The following MCU variants were observed in gnomAD, a reference collection of about 807,000 sequenced individuals.
The protein encoded by MCU is mitochondrial calcium uniporter.
A neutral mutation model predicts 45.2 loss-of-function variants in MCU; 12 were observed. That is an observed-to-expected ratio of 0.27 (90% CI 0.17 to 0.43). The LOEUF is 0.43. MCU is among the 20% of genes least tolerant of loss of function. The pLI, the probability that MCU is intolerant of heterozygous loss-of-function variation, is 1.00. For missense variants in MCU, 324 were observed against 436.7 expected, an observed-to-expected ratio of 0.74 and a Z score of 2.30; for synonymous variants, 160 against 165.1, an observed-to-expected ratio of 0.97 and a Z score of 0.24.
intron 2 of MCU, among the ~76,000 whole-genome samples, chr10:72,856,891 C>T (rs570690587): frequency 7.2e-6 from 1 of 139,052 alleles, no homozygotes; most frequent in African/African-American, 2.7e-5. Context: ...CTGCAGTGAG[C>T]TGTGATCATG....
chr10:72,873,588 C>A (rs1361557093), intron 6 of MCU, among the ~76,000 whole-genome samples: 1 of 152,030 alleles, frequency 6.6e-6, no homozygotes, highest in African/African-American at 2.4e-5. Context: ...TTTCCTTTGC[C>A]GTACAAGAGC....
chr10:72,847,004 C>T (rs1845132951), intron 2 of MCU, among the ~76,000 whole-genome samples: 1 of 152,204 alleles, frequency 6.6e-6, no homozygotes, highest in Non-Finnish European at 1.5e-5. Flanking sequence ...CGAAGTCTCA[C>T]CCTGTCGCCC....
intron 4 of MCU, 99 bp from the exon 5 acceptor site, chr10:72,868,604 T>G (rs960341799): frequency 1.2e-4 from 129 of 1,037,812 alleles, no homozygotes; most frequent in Non-Finnish European, 1.7e-4. Flanking sequence ...ACACTGAAGG[T>G]GAGATACCTA....
At chr10:72,700,199 AC>A (rs1429883139) in intron 1 of MCU, among the ~76,000 whole-genome samples, 1 of 151,718 alleles carries the variant, frequency 6.6e-6, no homozygotes, top group Non-Finnish European at 1.5e-5. Context: ...AGCGGGGATT[AC>A]AGGCACCTGC....
chr10:72,744,642 T>G (rs1770182555), intron 1 of MCU, among the ~76,000 whole-genome samples: 1 of 151,812 alleles, frequency 6.6e-6, no homozygotes, highest in African/African-American at 2.4e-5. Context: ...AATTCAGGAG[T>G]TTAGGGAGGA....
intron 4 of MCU, among the ~76,000 whole-genome samples, chr10:72,866,108 CT>C (rs372179609): frequency 6.6e-6 from 1 of 150,948 alleles, no homozygotes; most frequent in Non-Finnish European, 1.5e-5. Context: ...TAAAGAAAAT[CT>C]TTTTTTCTTC....
chr10:72,809,884 A>G (rs567657675), intron 1 of MCU, among the ~76,000 whole-genome samples: 1 of 152,154 alleles, frequency 6.6e-6, no homozygotes, highest in Non-Finnish European at 1.5e-5. Context: ...AATTCAAAGA[A>G]AAGAATTTCA....
At position 72,884,368 on chromosome 10, in the gene MCU, G is replaced by T; in HGVS notation, c.964G>T (p.Asp322Tyr). ...FDLEKYNQLK[D>Y]AIAQAEMDLK... ...CCTAGAGAAATACAATCAACTCAAG[G>T]ATGCAATTGCTCAGGTAAGTTTTAC... The change falls in exon 7 of 8, where the codon GAT (aspartate) becomes TAT (tyrosine). Residue 322 changes from aspartate to tyrosine, a missense_variant. Physicochemically the swap from Asp to Tyr is radical, Grantham distance 160 (BLOSUM62 -3). Coordinates refer to ENST00000373053, the MANE Select transcript of MCU (RefSeq NM_138357.3). 6.3e-7 allele frequency: 1 copy of T among 1,599,676 alleles called. No homozygotes were observed. The highest frequency in any genetic ancestry group is 8.6e-7 in the Non-Finnish European group (1 of 1,167,258).
At chr10:72,710,136 C>T (rs1194724152) in intron 1 of MCU, among the ~76,000 whole-genome samples, 11 of 152,020 alleles carry the variant, frequency 7.2e-5, no homozygotes, top group Admixed American at 2.0e-4. Context: ...CCACCATGCC[C>T]GGCTAATTTT....
intron 1 of MCU, among the ~76,000 whole-genome samples, chr10:72,824,232 C>T (rs1456392214): frequency 1.4e-5 from 2 of 143,886 alleles, no homozygotes; most frequent in Admixed American, 7.0e-5. Context: ...ATTTCATTCT[C>T]GTTGCCCAGG....
At chr10:72,813,404 G>A (rs984239865) in intron 1 of MCU, among the ~76,000 whole-genome samples, 6 of 150,796 alleles carry the variant, frequency 4.0e-5, no homozygotes, top group African/African-American at 1.5e-4. Flanking sequence ...GGTAAAACTT[G>A]GGAAAGAAGT....
At chr10:72,780,644 G>C (rs1281603560) in intron 1 of MCU, among the ~76,000 whole-genome samples, 2 of 151,594 alleles carry the variant, frequency 1.3e-5, no homozygotes, top group African/African-American at 4.8e-5. Context: ...AGGAACACCA[G>C]GGCTACTTGA....
chr10:72,745,278 G>GAGTGC (rs1469975992), intron 1 of MCU, among the ~76,000 whole-genome samples: 1 of 152,076 alleles, frequency 6.6e-6, no homozygotes, highest in Admixed American at 6.5e-5. Context: ...GCCCAAGCTG[G>GAGTGC]AGTGCAATGG....
intron 1 of MCU, among the ~76,000 whole-genome samples, chr10:72,822,861 C>A (rs1844735165): frequency 6.6e-6 from 1 of 151,980 alleles, no homozygotes; most frequent in Non-Finnish European, 1.5e-5. Flanking sequence ...ATGACAGTAT[C>A]AAGTGTTGGT....
At chr10:72,769,281 A>G (rs76807417) in intron 1 of MCU, among the ~76,000 whole-genome samples, 2,939 of 152,308 alleles carry the variant, frequency 0.019, 106 homozygotes, top group African/African-American at 0.067. Flanking sequence ...CAGTTATGCC[A>G]TGAAGAATAA....
intron 1 of MCU, among the ~76,000 whole-genome samples, chr10:72,771,192 C>T (rs945840012): frequency 6.6e-6 from 1 of 152,130 alleles, no homozygotes; most frequent in East Asian, 1.9e-4. Context: ...AATGCTATCC[C>T]TCCCCTAGCC....
chr10:72,702,069 A>G (rs1842765245), intron 1 of MCU, among the ~76,000 whole-genome samples: 1 of 151,518 alleles, frequency 6.6e-6, no homozygotes, highest in African/African-American at 2.4e-5. Flanking sequence ...GTGAAACCCC[A>G]TCTCTATTAA....
At chr10:72,717,550 T>G (rs1486187946) in intron 1 of MCU, among the ~76,000 whole-genome samples, 1 of 152,130 alleles carries the variant, frequency 6.6e-6, no homozygotes, top group Non-Finnish European at 1.5e-5. Flanking sequence ...TGAGCCACTG[T>G]GCCCAGCCGG....
intron 1 of MCU, among the ~76,000 whole-genome samples, chr10:72,755,253 A>G (rs1843558775): frequency 6.6e-6 from 1 of 151,660 alleles, no homozygotes; most frequent in Non-Finnish European, 1.5e-5. Context: ...GGTTCAAGCA[A>G]TTCTCCTGCC....
Sources: gnomAD v4.1 joint callset for allele counts (sites outside exome capture counted in the v4.1 genomes callset) on GRCh38, gnomAD v4.1.1 for gene constraint, MANE v1.5 for transcripts, NCBI Gene and HGNC (gene_info 2026-07-23, HGNC 2026-07-21) for gene names.